Variants in SLC35F4 observed in about 807,000 individuals in gnomAD.
SLC35F4 encodes the protein solute carrier family 35 member F4, also known as chromosome 14 open reading frame 36.
Under a neutral mutation model 44.2 loss-of-function variants are expected in SLC35F4, and 24 were observed. The ratio of observed to expected loss-of-function variants is 0.54; its 90% CI spans 0.39 to 0.76. The LOEUF (loss-of-function observed/expected upper bound fraction) is 0.76. Among genes scored for constraint, SLC35F4 ranks in the 30% least tolerant of loss-of-function variants. The pLI is 0.00. For synonymous variants in SLC35F4, 238 were observed against 223.6 expected, an observed-to-expected ratio of 1.06 and a Z score of -0.57; for missense variants, 562 against 586.1, an observed-to-expected ratio of 0.96 and a Z score of 0.42.
intron 1 of SLC35F4, among the ~76,000 whole-genome samples, chr14:57,926,023 G>A (rs1184914909): frequency 1.3e-5 from 2 of 152,050 alleles, no homozygotes; most frequent in East Asian, 3.9e-4. Context: ...TGTAAATGTG[G>A]GCACATTTTT....
intron 1 of SLC35F4, among the ~76,000 whole-genome samples, chr14:57,599,360 A>C (rs971794996): frequency 6.6e-6 from 1 of 152,240 alleles, no homozygotes; most frequent in Non-Finnish European, 1.5e-5. Context: ...TGCCAATATC[A>C]GACCCATTGA....
chr14:57,905,926 G>A (rs79690729), intron 1 of SLC35F4, among the ~76,000 whole-genome samples: 1 of 152,064 alleles, frequency 6.6e-6, no homozygotes, highest in Non-Finnish European at 1.5e-5. Context: ...TGAAGCAAAG[G>A]CATCAAACTC....
intron 1 of SLC35F4, among the ~76,000 whole-genome samples, chr14:57,718,065 A>G (rs2075988617): frequency 1.3e-5 from 2 of 152,122 alleles, no homozygotes; most frequent in Admixed American, 6.5e-5. Context: ...TTTATTCTCT[A>G]TCTCCATGAA....
At chr14:57,698,644 T>G (rs2075449037) in intron 1 of SLC35F4, among the ~76,000 whole-genome samples, 1 of 147,286 alleles carries the variant, frequency 6.8e-6, no homozygotes, top group Non-Finnish European at 1.5e-5. Flanking sequence ...ACATGTCACT[T>G]TTTTTTTTTT....
chr14:57,826,831 T>C (rs1453501954), intron 1 of SLC35F4, among the ~76,000 whole-genome samples: 2 of 152,214 alleles, frequency 1.3e-5, no homozygotes, highest in African/African-American at 4.8e-5. Context: ...CCAGTGAGAA[T>C]GGCAATTATT....
chr14:57,656,752 AT>A (rs1306692666), intron 1 of SLC35F4, among the ~76,000 whole-genome samples: 1 of 152,060 alleles, frequency 6.6e-6, no homozygotes, highest in African/African-American at 2.4e-5. Context: ...TAAACTTTCT[AT>A]GTCTGTGCCT....
intron 1 of SLC35F4, among the ~76,000 whole-genome samples, chr14:57,830,283 G>A (rs966104462): frequency 6.6e-6 from 1 of 152,128 alleles, no homozygotes; most frequent in Non-Finnish European, 1.5e-5. Context: ...TTCGTGATCT[G>A]TAAAACGGAG....
chr14:57,903,792 G>A (rs186280554), intron 1 of SLC35F4, among the ~76,000 whole-genome samples: 1 of 152,176 alleles, frequency 6.6e-6, no homozygotes, highest in Admixed American at 6.5e-5. Flanking sequence ...TAAAATGAAA[G>A]CTTATCAGTG....
chr14:57,663,675 T>C (rs1234529814), intron 1 of SLC35F4, among the ~76,000 whole-genome samples: 1 of 152,168 alleles, frequency 6.6e-6, no homozygotes, highest in African/African-American at 2.4e-5. Flanking sequence ...TCCATGGAGT[T>C]CTAGCAATGG....
intron 1 of SLC35F4, among the ~76,000 whole-genome samples, chr14:57,803,493 T>TAGGAAGAG (rs1232328257): frequency 2.0e-5 from 3 of 150,872 alleles, no homozygotes; most frequent in Non-Finnish European, 4.4e-5. Context: ...GGTATTCAAA[T>TAGGAAGAG]AGGAAGAGAG....
intron 1 of SLC35F4, among the ~76,000 whole-genome samples, chr14:57,967,976 AT>A (rs1880933337): frequency 6.6e-6 from 1 of 152,234 alleles, no homozygotes; most frequent in African/African-American, 2.4e-5. Flanking sequence ...TACATTTTAA[AT>A]TCTTAGTCTG....
intron 3 of SLC35F4, among the ~76,000 whole-genome samples, chr14:57,586,287 G>C (rs1374264568): frequency 6.6e-6 from 1 of 152,128 alleles, no homozygotes; most frequent in African/African-American, 2.4e-5. Flanking sequence ...GCAGAAAACT[G>C]AAACTGGACC....
At chr14:57,802,227 A>C (rs1047573227) in intron 1 of SLC35F4, among the ~76,000 whole-genome samples, 10 of 152,216 alleles carry the variant, frequency 6.6e-5, no homozygotes, top group Non-Finnish European at 1.5e-4. Context: ...CTCCTGAATG[A>C]TTCTTGGGTA....
chr14:57,757,633 T>C (rs1408207621), intron 1 of SLC35F4, among the ~76,000 whole-genome samples: 3 of 152,314 alleles, frequency 2.0e-5, no homozygotes, highest in Non-Finnish European at 2.9e-5. Context: ...CTTACATGTA[T>C]ACTAAGAACT....
intron 1 of SLC35F4, among the ~76,000 whole-genome samples, chr14:57,761,128 G>A (rs1169330949): frequency 1.3e-5 from 2 of 152,142 alleles, no homozygotes; most frequent in African/African-American, 4.8e-5. Context: ...TGGACCATCT[G>A]TTTCCCATCA....
At chr14:57,574,999 A>G (rs930746428) in intron 4 of SLC35F4, among the ~76,000 whole-genome samples, 1 of 152,190 alleles carries the variant, frequency 6.6e-6, no homozygotes, top group African/African-American at 2.4e-5. Context: ...AAAAATGCTC[A>G]TATGTGTTCA....
At chr14:57,822,045 C>T (rs1348003110) in intron 1 of SLC35F4, among the ~76,000 whole-genome samples, 1 of 152,186 alleles carries the variant, frequency 6.6e-6, no homozygotes, top group Non-Finnish European at 1.5e-5. Flanking sequence ...CTACTACTGG[C>T]CCTGGCCTGG....
intron 1 of SLC35F4, among the ~76,000 whole-genome samples, chr14:57,746,228 T>C (rs939456439): frequency 8.6e-5 from 13 of 151,946 alleles, no homozygotes; most frequent in Non-Finnish European, 1.6e-4. Flanking sequence ...GAGCTTAAAG[T>C]ATAATTAAAA....
At chr14:57,884,197 T>G (rs1383150344) in intron 1 of SLC35F4, among the ~76,000 whole-genome samples, 2 of 152,214 alleles carry the variant, frequency 1.3e-5, no homozygotes, top group African/African-American at 4.8e-5. Context: ...TTCTAGACAC[T>G]TCTTGTTTTC....
Sources: gnomAD v4.1 joint callset for allele counts (sites outside exome capture counted in the v4.1 genomes callset) on GRCh38, gnomAD v4.1.1 for gene constraint, MANE v1.5 for transcripts, NCBI Gene and HGNC (gene_info 2026-07-23, HGNC 2026-07-21) for gene names.